TRAPPC8: variants seen among roughly 807,000 people sequenced by gnomAD.
The protein encoded by TRAPPC8 is trafficking protein particle complex subunit 8, also known as general sporulation gene 1 homolog.
Under a neutral mutation model 174.3 loss-of-function variants are expected in TRAPPC8, and 54 were observed. That is an observed-to-expected ratio of 0.31 (90% confidence interval 0.25 to 0.39). The LOEUF is 0.39. TRAPPC8 is among the 10% of genes least tolerant of loss of function. The probability of loss-of-function intolerance (pLI) is 1.00; values close to 1 mark genes in which losing one functional copy is unlikely to be tolerated. For missense variants in TRAPPC8, 1,531 were observed against 1,699.1 expected (o/e 0.90, Z 1.74); for synonymous variants, 630 against 579.9 (o/e 1.09, Z -1.24).
intron 2 of TRAPPC8, among the ~76,000 whole-genome samples, chr18:31,927,029 G>A (rs1488195855): frequency 6.6e-6 from 1 of 152,136 alleles, no homozygotes; most frequent in South Asian, 2.1e-4. Context: ...ACAGAAATTG[G>A]TGGGGCAAGG....
At position 31,879,981 on chromosome 18, in the gene TRAPPC8, AAT is replaced by A. The variant is rs575837874; in HGVS notation, c.1729-5279_1729-5278del. ...AATTCCATCAGTAATTAAAAAAAAAAATAAATAAACAACCAAATGAAGCCCAA... is the reference window on the plus strand; with the variant it reads ...AATTCCATCAGTAATTAAAAAAAAAAAAATAAACAACCAAATGAAGCCCAA... On this transcript the variant is annotated intron_variant, in intron 12 of 28. Coordinates refer to ENST00000283351, the MANE Select transcript of TRAPPC8 (RefSeq NM_014939.5). Among the ~76,000 whole-genome samples the A allele has an allele frequency of 1.1e-3, 138 of 128,414 alleles. 4 individuals are homozygous for A. The South Asian group carries it at 0.012, about 11-fold the overall frequency. 84.2% of individuals were successfully genotyped at this position (128,414 alleles called of 152,430 possible).
chr18:31,911,611 C>T (rs909261618), intron 5 of TRAPPC8, among the ~76,000 whole-genome samples: 33 of 151,070 alleles, frequency 2.2e-4, no homozygotes, highest in African/African-American at 7.8e-4. Context: ...TGGTGGCGGG[C>T]GCCTGTAATC....
intron 5 of TRAPPC8, among the ~76,000 whole-genome samples, chr18:31,911,144 G>A (rs1473355136): frequency 6.6e-6 from 1 of 152,178 alleles, no homozygotes; most frequent in Non-Finnish European, 1.5e-5. Flanking sequence ...CATAAGCTTT[G>A]TAATTGATTT....
At chr18:31,879,971 T>TAA (rs1218021865) in intron 12 of TRAPPC8, among the ~76,000 whole-genome samples, 3 of 108,190 alleles carry the variant, frequency 2.8e-5, no homozygotes, top group Non-Finnish European at 3.9e-5. Context: ...CATCAGTAAT[T>TAA]AAAAAAAAAA....
chr18:31,849,574 A>G lies in TRAPPC8; in HGVS notation c.3727T>C (p.Leu1243=). 1 of 1,606,436 alleles carries G rather than the reference A, an allele frequency of 6.2e-7. No homozygotes were observed. Among genetic ancestry groups the G allele is most frequent in the Non-Finnish European group, 8.5e-7 (1 of 1,176,976 alleles). ...AATTTAGTAGCACATACCTTCCATA[A>G]TATGACAATATTCAAATCTACCTCA... The part of the protein sequence containing the change: ...CSEVDLNIVI[L]WKAYVVEDSK... Residue 1243 remains leucine (L), a synonymous_variant, in exon 25 of 29, where the codon TTA becomes CTA. Coordinates refer to ENST00000283351, the MANE Select transcript of TRAPPC8 (RefSeq NM_014939.5).
In TRAPPC8 at chr18:31,930,053, A is replaced by G. The variant is rs148709138; in HGVS notation, c.352+1276T>C. ...ATTCTACAAATATTTTTAACTATAC[A>G]AGAGCAACAACTAACTTGGTGACCT... On this transcript the variant is annotated intron_variant, in intron 2 of 28. Transcript: ENST00000283351. Among the ~76,000 whole-genome samples, 324 of 152,292 alleles carry G rather than the reference A, an allele frequency of 2.1e-3. 1 individual carries two copies. The highest frequency in any genetic ancestry group is 7.0e-3 in the African/African-American group (291 of 41,562).
intron 12 of TRAPPC8, among the ~76,000 whole-genome samples, chr18:31,885,390 T>C (rs922014604): frequency 1.3e-5 from 2 of 152,104 alleles, no homozygotes; most frequent in African/African-American, 2.4e-5. Context: ...AAACGATCCT[T>C]TGACTAAAAA....
At chr18:31,864,533 T>A in intron 19 of TRAPPC8, 94 bp downstream of exon 19, 2 of 1,195,224 alleles carry the variant, frequency 1.7e-6, no homozygotes, top group South Asian at 2.8e-5. Context: ...TAGTTCAATG[T>A]AATATCAAAA....
Position 31,830,873 on chromosome 18 carries a change from G to A in TRAPPC8, c.4190C>T (p.Thr1397Ile). Residue 1397 changes from threonine to isoleucine, a missense_variant, in exon 29 of 29, where the codon ACA (threonine) becomes ATA (isoleucine). By Grantham distance (89) the Thr-to-Ile change is moderately conservative (BLOSUM62 -1). Transcript: ENST00000283351. The part of the protein sequence containing the change: ...SLQLKACFVH[T>I]GVYNLGTPRV... ...AGGAGTTCCAAGGTTATAAACACCT[G>A]TATGAACAAAGCATGCTTTCAGCTG... 1 of 1,614,194 alleles carries A rather than the reference G, an allele frequency of 6.2e-7. No individual in the cohort carries two copies. The highest frequency in any genetic ancestry group is 8.5e-7 in the Non-Finnish European group (1 of 1,180,038).
At chr18:31,936,053 TAA>T (rs920595810) in intron 1 of TRAPPC8, among the ~76,000 whole-genome samples, 2 of 151,298 alleles carry the variant, frequency 1.3e-5, no homozygotes, top group Non-Finnish European at 2.9e-5. Context: ...CCCATCTCTA[TAA>T]AAAAATTTTT....
rs969464994 is a variant in TRAPPC8 at position 31,829,624 on chromosome 18, C to G, written c.*1131G>C. ...GTCTGAAAACGGGGTCTTTTGATCT[C>G]TCCCCACTTTGGTGCAGTCTGCTCC... is the stretch of plus-strand genomic sequence containing the variant. On this transcript the variant is annotated 3_prime_UTR_variant, in exon 29 of 29. Coordinates refer to ENST00000283351, the MANE Select transcript of TRAPPC8 (RefSeq NM_014939.5). The G allele has an allele frequency of 3.9e-5, 6 of 152,252 alleles. No homozygotes were observed. Among genetic ancestry groups the G allele is most frequent in the African/African-American group, 1.2e-4 (5 of 41,438 alleles). The allele number at this position is 152,252 out of a possible 1,614,324, so 9.4% of individuals were successfully genotyped here.
intron 20 of TRAPPC8, 102 bp downstream of exon 20, chr18:31,857,438 G>A (rs1035210101): frequency 1.0e-5 from 10 of 998,060 alleles, no homozygotes; most frequent in Non-Finnish European, 1.4e-5. Flanking sequence ...ATCTGGAACA[G>A]AGTAATTTCT....
chr18:31,829,248 A>G lies in TRAPPC8; in HGVS notation c.*1507T>C, dbSNP rs536590943. 6.6e-6 allele frequency: 1 copy of G among 152,276 alleles called. No homozygotes were observed. The highest frequency in any genetic ancestry group is 2.1e-4 in the South Asian group (1 of 4,824). The allele number at this position is 152,276 out of a possible 1,614,324, so 9.4% of individuals were successfully genotyped here. A position where few individuals can be genotyped will look rare whatever the true frequency, so the allele number is the denominator to read the frequency against. ...TTAATATATTCAGTTGTAGGTTTAT[A>G]TAGTTTAATTTTTTTATTAGTGTCT... On this transcript the variant is annotated 3_prime_UTR_variant, in exon 29 of 29. Coordinates refer to ENST00000283351, the MANE Select transcript of TRAPPC8 (RefSeq NM_014939.5).
chr18:31,928,127 G>A (rs1363433341), intron 2 of TRAPPC8, among the ~76,000 whole-genome samples: 5 of 151,784 alleles, frequency 3.3e-5, no homozygotes, highest in Admixed American at 3.3e-4. Context: ...CTACACTCCA[G>A]CCTGGGCAAA....
At position 31,864,649 on chromosome 18, in the gene TRAPPC8, G is replaced by C; in HGVS notation, c.2723C>G (p.Thr908Arg). 1 of 1,612,132 alleles carries C rather than the reference G, an allele frequency of 6.2e-7. No homozygotes were observed. Residue 908 changes from threonine (T) to arginine (R), a missense_variant, in exon 19 of 29, where the codon ACA becomes AGA. Coordinates refer to ENST00000283351, the MANE Select transcript of TRAPPC8 (RefSeq NM_014939.5). ...GPDRRLDPII[T>R]EEMPLLEVFF... Reference sequence around the variant, plus strand: ...TACCTCCAACAGTGGCATTTCTTCTGTGATTATGGGATCTAAACGTCGATC... The same window carrying C: ...TACCTCCAACAGTGGCATTTCTTCTCTGATTATGGGATCTAAACGTCGATC...
Position 31,870,515 on chromosome 18 carries a change from A to C in TRAPPC8, c.2258-13T>G, listed in dbSNP as rs2034803264. ...ACTGTAATTGGTTCTATTAAAAAAA[A>C]GGCCTAAATTAATAACTTTAATAAA... On this transcript the variant is annotated splice_polypyrimidine_tract_variant and intron_variant, in intron 15 of 28. Transcript: ENST00000283351. 1 of 1,596,742 alleles carries C rather than the reference A, an allele frequency of 6.3e-7. No homozygotes were observed. The highest frequency in any genetic ancestry group is 8.5e-7 in the Non-Finnish European group (1 of 1,174,596).
Position 31,849,671 on chromosome 18 carries a change from T to A in TRAPPC8, c.3630A>T (p.Pro1210=). ...YRSLSSELKK[P]QAHLPVHTEK... ...CTGTATGCACAGGCAAGTGAGCTTG[T>A]GGTTTTTTCAATTCAGAAGATAAAC... Residue 1210 remains proline (P), a synonymous_variant, in exon 25 of 29, where the codon CCA becomes CCT. Transcript: ENST00000283351. 1 of 1,612,682 alleles carries A rather than the reference T, an allele frequency of 6.2e-7. No homozygotes were observed. Among genetic ancestry groups the A allele is most frequent in the Non-Finnish European group, 8.5e-7 (1 of 1,179,360 alleles).
Position 31,923,508 on chromosome 18 carries a change from G to GA in TRAPPC8, c.353-5842dup, listed in dbSNP as rs144808381. ...CATCTATTTCTTTAACAGAATGAATGAAAAGTATGCTGACTCACATTAATG... is the reference window on the plus strand; with the variant it reads ...CATCTATTTCTTTAACAGAATGAATGAAAAAGTATGCTGACTCACATTAATG... On this transcript the variant is annotated intron_variant, in intron 2 of 28. Coordinates refer to ENST00000283351, the MANE Select transcript of TRAPPC8 (RefSeq NM_014939.5). 4.5e-3 allele frequency among the ~76,000 whole-genome samples: 689 copies of GA among 152,252 alleles called. 4 individuals are homozygous for GA. Among genetic ancestry groups the GA allele is most frequent in the African/African-American group, 0.016 (662 of 41,548 alleles).
chr18:31,916,227 A>T, intron 4 of TRAPPC8, 45 bp downstream of exon 4: 1 of 1,362,142 alleles, frequency 7.3e-7, no homozygotes, highest in Non-Finnish European at 9.7e-7. Context: ...AATTAATGTT[A>T]AATCATTTAA....
Sources: gnomAD v4.1 joint callset for allele counts (sites outside exome capture counted in the v4.1 genomes callset) on GRCh38, gnomAD v4.1.1 for gene constraint, MANE v1.5 for transcripts, NCBI Gene and HGNC (gene_info 2026-07-23, HGNC 2026-07-21) for gene names.